KRT85: variants seen among roughly 807,000 people sequenced by gnomAD.
KRT85 encodes the protein keratin 85, also known as keratin, type II cuticular Hb5.
In KRT85, 39 loss-of-function variants were observed where a neutral mutation model predicts 53.7. The observed-to-expected ratio is 0.73, with a 90% CI of 0.56 to 0.95. The LOEUF (loss-of-function observed/expected upper bound fraction) is 0.95, where lower values mean the gene tolerates loss of function less well. Among genes scored for constraint, KRT85 ranks in the 40% least tolerant of loss-of-function variants. The probability of loss-of-function intolerance (pLI) is 0.00; values close to 1 mark genes in which losing one functional copy is unlikely to be tolerated. For synonymous variants in KRT85, 291 were observed against 277.5 expected (o/e 1.05, Z -0.48); for missense variants, 668 against 686.0 (o/e 0.97, Z 0.29).
Position 52,362,360 on chromosome 12 carries a change from G to C in KRT85, c.1189C>G (p.Gln397Glu), listed in dbSNP as rs751725113. ...ELEGALQKAK[Q>E]DMACLLKEYQ... ...TCCTTGAGCAGGCAGGCCATGTCCT[G>C]CTTGGCCTTCTGCAGGGCGCCCTCC... The change falls in exon 7 of 9, where the codon CAG (glutamine) becomes GAG (glutamate). Residue 397 changes from glutamine to glutamate, a missense_variant. Around this residue, in one of 3 missense-constraint regions of KRT85, gnomAD observed 488 missense variants for 498.1 expected, o/e 0.98. Transcript: ENST00000257901. 1 of 1,614,188 alleles carries C rather than the reference G, an allele frequency of 6.2e-7. No homozygotes were observed. The highest frequency in any genetic ancestry group is 8.5e-7 in the Non-Finnish European group (1 of 1,180,026).
intron 4 of KRT85, 36 bp downstream of exon 4, chr12:52,364,032 C>A: frequency 6.5e-7 from 1 of 1,543,446 alleles, no homozygotes; most frequent in Non-Finnish European, 9.0e-7. Flanking sequence ...AAACACCCCT[C>A]CACCTGCCCT....
rs575919456 is a variant in KRT85 at position 52,360,680 on chromosome 12, C to T, written c.*173G>A. The T allele has an allele frequency of 2.7e-5, 19 of 695,880 alleles. No individual in the cohort carries two copies. In the South Asian group the frequency reaches 3.3e-4, roughly 12 times the overall value. 43.1% of individuals were successfully genotyped at this position (695,880 alleles called of 1,614,324 possible). On this transcript the variant is annotated 3_prime_UTR_variant, in exon 9 of 9. Coordinates refer to ENST00000257901, the MANE Select transcript of KRT85 (RefSeq NM_002283.4). ...GGACAACTAGGATGCATCTCCCTAG[C>T]ATGAAAAGGCGCAGGGGAGCGGCCC...
chr12:52,361,043 A>T lies in KRT85; in HGVS notation c.1334T>A (p.Val445Asp). ...CEGVGSVNVC[V>D]SSSRGGVSCG... ...GGAGACTCCACCACGGGAGCTGCTG[A>T]CACCTGTGGAGAGAGGAGACATGGA... The change falls in exon 9 of 9, where the codon GTC becomes GAC. Residue 445 changes from valine (V) to aspartate (D), a missense_variant. Physicochemically the swap from Val to Asp is radical, Grantham distance 152. Transcript: ENST00000257901. 1 of 1,611,006 alleles carries T rather than the reference A, an allele frequency of 6.2e-7. No individual in the cohort carries two copies. Among genetic ancestry groups the T allele is most frequent in the Non-Finnish European group, 8.5e-7 (1 of 1,178,492 alleles).
intron 2 of KRT85, chr12:52,364,702 C>A (rs1460103142): frequency 7.0e-7 from 1 of 1,426,566 alleles, no homozygotes; most frequent in Non-Finnish European, 9.2e-7. Context: ...CTGTGAAGGA[C>A]AGGGACATAG....
rs745711561 is a variant in KRT85 at position 52,362,486 on chromosome 12, T to C, written c.1078-15A>G. Reference sequence around the variant, plus strand: ...AGCTTGGCACGCTATCAGGTGGAGATACAAGGGCCAGGATGAGAAAGAGAA... The same window carrying C: ...AGCTTGGCACGCTATCAGGTGGAGACACAAGGGCCAGGATGAGAAAGAGAA... On this transcript the variant is annotated splice_polypyrimidine_tract_variant and intron_variant, in intron 6 of 8. Transcript: ENST00000257901. 3.1e-6 allele frequency: 5 copies of C among 1,613,646 alleles called. No homozygotes were observed. Among genetic ancestry groups the C allele is most frequent in the East Asian group, 4.5e-5 (2 of 44,848 alleles).
In KRT85 at chr12:52,367,463, C is replaced by A. The variant is rs1939292550; in HGVS notation, c.-58G>T. ...GGAAGGTGGTGCGGGCGGCAGAGTG[C>A]GAGGCTCAGGATCCTTCTGCTCTCT... is the stretch of plus-strand genomic sequence containing the variant. On this transcript the variant is annotated 5_prime_UTR_variant, in exon 1 of 9. Coordinates refer to ENST00000257901, the MANE Select transcript of KRT85 (RefSeq NM_002283.4). 1.3e-6 allele frequency: 2 copies of A among 1,564,372 alleles called. No homozygotes were observed. The highest frequency in any genetic ancestry group is 1.8e-6 in the Non-Finnish European group (2 of 1,140,844).
Position 52,362,908 on chromosome 12 carries a change from C to T in KRT85, c.1023G>A (p.Glu341=). 2 of 1,614,162 alleles carry T rather than the reference C, an allele frequency of 1.2e-6. No homozygotes were observed. Among genetic ancestry groups the T allele is most frequent in the Admixed American group, 1.7e-5 (1 of 60,034 alleles). ...TCAGCCTCTGGATCATGCGGTTCAG[C>T]TCGTTGATCTCCTCCTTGGTGCGGC... ...TLRRTKEEIN[E]LNRMIQRLTA... Residue 341 remains glutamate (E), a synonymous_variant, in exon 6 of 9, where the codon GAG becomes GAA. Transcript: ENST00000257901.
chr12:52,366,845 A>C (rs1592142946), intron 1 of KRT85, 141 bp downstream of exon 1: 1 of 1,388,410 alleles, frequency 7.2e-7, no homozygotes, highest in Non-Finnish European at 1.0e-6. Flanking sequence ...ATGGAAACTG[A>C]CCCTTCCACC....
chr12:52,363,330 G>A lies in KRT85; in HGVS notation c.867C>T (p.Asp289=). ...GAGCCTTGATCTCAGCGATGATGCAGTCCATGTTCAGGTCTCGGCTGTTGT... is the reference window on the plus strand; with the variant it reads ...GAGCCTTGATCTCAGCGATGATGCAATCCATGTTCAGGTCTCGGCTGTTGT... ...KMDNSRDLNM[D]CIIAEIKAQY... The change falls in exon 5 of 9, where the codon GAC becomes GAT. Residue 289 remains aspartate (D), a synonymous_variant. Transcript: ENST00000257901. The A allele has an allele frequency of 1.2e-6, 2 of 1,614,190 alleles. No homozygotes were observed. Among genetic ancestry groups the A allele is most frequent in the South Asian group, 1.1e-5 (1 of 91,082 alleles).
At chr12:52,362,603 G>A in intron 6 of KRT85, 132 bp from the exon 7 acceptor site, 1 of 1,256,798 alleles carries the variant, frequency 8.0e-7, no homozygotes, top group South Asian at 1.3e-5. Context: ...TAGTTAATGG[G>A]GCTGTGAATA....
chr12:52,363,225 C>T, intron 5 of KRT85, 21 bp downstream of exon 5: 1 of 1,614,082 alleles, frequency 6.2e-7, no homozygotes, highest in Non-Finnish European at 8.5e-7. Context: ...GCTTAGCAGG[C>T]AGGTGTCCTG....
chr12:52,366,834 G>A, intron 1 of KRT85, 152 bp downstream of exon 1: 1 of 1,313,328 alleles, frequency 7.6e-7, no homozygotes, highest in East Asian at 2.3e-5. Flanking sequence ...GGAGTTAAGT[G>A]ATGGAAACTG....
intron 8 of KRT85, 126 bp from the exon 9 acceptor site, chr12:52,361,172 C>T (rs1939185765): frequency 1.1e-6 from 1 of 896,340 alleles, no homozygotes; most frequent in African/African-American, 1.7e-5. Flanking sequence ...AATGCAGGCC[C>T]TGTCCCTGAG....
At chr12:52,364,913 A>G (rs1405478594) in intron 2 of KRT85, 49 bp downstream of exon 2, 1 of 1,611,912 alleles carries the variant, frequency 6.2e-7, no homozygotes, top group East Asian at 2.2e-5. Flanking sequence ...AGAGCCTCCC[A>G]GCATTCTCTC....
At position 52,360,868 on chromosome 12, in the gene KRT85, C is replaced by T. The variant is rs151275843; in HGVS notation, c.1509G>A (p.Ser503=). 96 of 1,612,220 alleles carry T rather than the reference C, an allele frequency of 6.0e-5. No homozygotes were observed. Among genetic ancestry groups the T allele is most frequent in the Non-Finnish European group, 7.4e-5 (87 of 1,180,010 alleles). The change falls in exon 9 of 9, where the codon TCG becomes TCA. Residue 503 remains serine, a synonymous_variant. Transcript: ENST00000257901. ...SSSFSCGSSR[S]VRFA ...CATGACTCTACTAGGCAAAGCGGAC[C>T]GACCGGCTACTCCCGCAGCTGAAGC... is the stretch of plus-strand genomic sequence containing the variant.
rs540080340 is a variant in KRT85, at chr12:52,362,412, G to T, written c.1137C>A (p.Ser379Arg). 7 of 1,614,136 alleles carry T rather than the reference G, an allele frequency of 4.3e-6. No individual in the cohort carries two copies. Among genetic ancestry groups the T allele is most frequent in the Non-Finnish European group, 5.9e-6 (7 of 1,180,024 alleles). ...EAEQQGEAAL[S>R]DARCKLAELE... ...GCTCAGCCAGCTTGCAGCGGGCATC[G>T]CTGAGGGCCGCCTCACCCTGCTGCT... Residue 379 changes from serine to arginine, a missense_variant, in exon 7 of 9, where the codon AGC becomes AGA. This residue lies in a region of KRT85 where 488 missense variants were observed against 498.1 expected (regional missense o/e 0.98). Coordinates refer to ENST00000257901, the MANE Select transcript of KRT85 (RefSeq NM_002283.4).
In KRT85 at chr12:52,361,507, A is replaced by G. The variant is rs1288265591; in HGVS notation, c.1299-9T>C. ...CCACACCTTCACACAGCCTATGGAG[A>G]AAGAAAACTCTGTTAGTTCCAGACA... On this transcript the variant is annotated splice_polypyrimidine_tract_variant and intron_variant, in intron 7 of 8. Transcript: ENST00000257901. 31 of 1,613,464 alleles carry G rather than the reference A, an allele frequency of 1.9e-5. No homozygotes were observed. The highest frequency in any genetic ancestry group is 2.5e-5 in the Non-Finnish European group (30 of 1,179,458).
intron 7 of KRT85, 119 bp downstream of exon 7, chr12:52,362,132 A>G: frequency 8.6e-7 from 1 of 1,162,270 alleles, no homozygotes; most frequent in Non-Finnish European, 1.3e-6. Context: ...TATTATTATT[A>G]TTGAAGCTAT....
chr12:52,364,204 G>A (rs1478373518), intron 3 of KRT85, 41 bp from the exon 4 acceptor site: 3 of 1,612,420 alleles, frequency 1.9e-6, no homozygotes, highest in East Asian at 4.5e-5. Context: ...CATGTGAGAG[G>A]AGACCAAAGA....
Sources: gnomAD v4.1 joint callset for allele counts on GRCh38, gnomAD v4.1.1 for gene constraint, gnomAD v4.1.1 regional missense constraint, MANE v1.5 for transcripts, NCBI Gene and HGNC (gene_info 2026-07-23, HGNC 2026-07-21) for gene names.